Variants in SETD5 observed in about 807,000 individuals in gnomAD.
SETD5 encodes histone-lysine N-methyltransferase SETD5.
Under a neutral mutation model 153.3 loss-of-function variants are expected in SETD5, and 44 were observed. The ratio of observed to expected loss-of-function variants is 0.29; its 90% confidence interval spans 0.23 to 0.37. SETD5 has a LOEUF of 0.37. SETD5 is among the 10% of genes least tolerant of loss of function. SETD5 has a pLI of 1.00. For missense variants in SETD5, 1,544 were observed against 1,768.0 expected, an observed-to-expected ratio of 0.87 and a Z score of 2.27; for synonymous variants, 716 against 645.2, an observed-to-expected ratio of 1.11 and a Z score of -1.66.
At chr3:9,442,075 G>T (rs935621035) in intron 9 of SETD5, 53 bp from the exon 10 acceptor site, 1 of 1,191,578 alleles carries the variant, frequency 8.4e-7, no homozygotes, top group Non-Finnish European at 1.2e-6. Flanking sequence ...GGAGTCATGG[G>T]GTGGCCTTCT....
chr3:9,399,140 A>C (rs1394133921), intron 1 of SETD5, among the ~76,000 whole-genome samples: 2 of 152,236 alleles, frequency 1.3e-5, no homozygotes, highest in African/African-American at 4.8e-5. Context: ...ACAAGTTTTT[A>C]GATGACATAT....
intron 17 of SETD5, among the ~76,000 whole-genome samples, chr3:9,459,968 G>A (rs1005383810): frequency 1.3e-5 from 2 of 151,540 alleles, no homozygotes; most frequent in African/African-American, 2.4e-5. Flanking sequence ...CATCAAAATA[G>A]GCTATCAAAT....
At chr3:9,405,141 T>G (rs953376565) in intron 1 of SETD5, among the ~76,000 whole-genome samples, 1 of 152,240 alleles carries the variant, frequency 6.6e-6, no homozygotes, top group African/African-American at 2.4e-5. Context: ...TATCTTCTAC[T>G]TTCTTTCTTG....
At position 9,473,330 on chromosome 3, in the gene SETD5, C is replaced by T; in HGVS notation, c.3290C>T (p.Ala1097Val). The T allele has an allele frequency of 6.2e-7, 1 of 1,614,000 alleles. No individual in the cohort carries two copies. The highest frequency in any genetic ancestry group is 8.5e-7 in the Non-Finnish European group (1 of 1,179,894). ...TCTGCACAGAGCAAAAGCAAGTCTG[C>T]AGGAGCTGGGCAAGGCAGCAGTAAC... is the stretch of plus-strand genomic sequence containing the variant. The part of the protein sequence containing the change: ...GDSAQSKSKS[A>V]GAGQGSSNSV... The change falls in exon 20 of 23, where the codon GCA (alanine) becomes GTA (valine). Residue 1097 changes from alanine to valine, a missense_variant. Physicochemically the swap from Ala to Val is moderately conservative, Grantham distance 64. Transcript: ENST00000402198.
intron 1 of SETD5, among the ~76,000 whole-genome samples, chr3:9,414,649 CT>C (rs1231782619): frequency 6.6e-6 from 1 of 152,122 alleles, no homozygotes; most frequent in Admixed American, 6.5e-5. Flanking sequence ...AGAAGAATTA[CT>C]AGTTCTCCGT....
chr3:9,435,497 T>C (rs1276747861), intron 6 of SETD5, among the ~76,000 whole-genome samples: 3 of 152,224 alleles, frequency 2.0e-5, no homozygotes, highest in Admixed American at 6.5e-5. Flanking sequence ...AGGGACTGAA[T>C]ACAAGGGGAG....
intron 18 of SETD5, among the ~76,000 whole-genome samples, chr3:9,469,596 C>T (rs2045056986): frequency 6.6e-6 from 1 of 152,184 alleles, no homozygotes; most frequent in Non-Finnish European, 1.5e-5. Flanking sequence ...GTAAAGCTCT[C>T]TCTCCTCAGT....
At chr3:9,448,964 TG>T (rs918956579) in intron 16 of SETD5, among the ~76,000 whole-genome samples, 1 of 152,194 alleles carries the variant, frequency 6.6e-6, no homozygotes, top group Non-Finnish European at 1.5e-5. Context: ...TCTTGTGATA[TG>T]GGTTAACATG....
chr3:9,449,872 A>G (rs1254796716), intron 16 of SETD5, among the ~76,000 whole-genome samples: 3 of 152,146 alleles, frequency 2.0e-5, no homozygotes, highest in African/African-American at 7.2e-5. Context: ...GAGAAATTTG[A>G]CCATTTCTAA....
chr3:9,449,323 C>G (rs2042369392), intron 16 of SETD5, among the ~76,000 whole-genome samples: 1 of 152,068 alleles, frequency 6.6e-6, no homozygotes, highest in Non-Finnish European at 1.5e-5. Flanking sequence ...TTCCCAGAAG[C>G]CCTGCATATT....
chr3:9,461,598 A>G (rs2043961051), intron 17 of SETD5, among the ~76,000 whole-genome samples: 1 of 152,204 alleles, frequency 6.6e-6, no homozygotes, highest in African/African-American at 2.4e-5. Flanking sequence ...AAAGTAGGCA[A>G]ATGACTTGGC....
chr3:9,461,886 G>A (rs749751632), intron 17 of SETD5, among the ~76,000 whole-genome samples: 2 of 152,008 alleles, frequency 1.3e-5, no homozygotes, highest in African/African-American at 2.4e-5. Context: ...AAGTTATTCC[G>A]AATATAAGCC....
chr3:9,472,953 GA>G (rs2045480984), intron 19 of SETD5, among the ~76,000 whole-genome samples: 1 of 152,106 alleles, frequency 6.6e-6, no homozygotes, highest in Admixed American at 6.5e-5. Context: ...TCTGAAGGCA[GA>G]AAAAAAGATG....
intron 17 of SETD5, among the ~76,000 whole-genome samples, chr3:9,461,982 T>C (rs1420260024): frequency 1.3e-5 from 2 of 152,230 alleles, no homozygotes; most frequent in Non-Finnish European, 2.9e-5. Flanking sequence ...AAAAGGAAGA[T>C]GTGAATATAC....
chr3:9,447,624 G>A, intron 14 of SETD5, 62 bp from the exon 15 acceptor site: 4 of 1,527,764 alleles, frequency 2.6e-6, no homozygotes, highest in Non-Finnish European at 3.6e-6. Context: ...AAGTGAATAG[G>A]AAATTAGACT....
In SETD5 at chr3:9,434,102, T is replaced by A; in HGVS notation, c.177+152T>A. The A allele has an allele frequency of 1.9e-6, 3 of 1,560,078 alleles. No individual in the cohort carries two copies. ...ACTCCAGCGGACGTCTAGCCCTGCA[T>A]CATTGTTCTTGTTTTTATGTCCCAG... On this transcript the variant is annotated intron_variant, in intron 4 of 22. Transcript: ENST00000402198. The surrounding 1 kb of genome is among the most constrained non-coding windows in gnomAD (Gnocchi z 5.6).
chr3:9,460,263 T>TA (rs373419555), intron 17 of SETD5, among the ~76,000 whole-genome samples: 13,158 of 143,490 alleles, frequency 0.092, 734 homozygotes, highest in Middle Eastern at 0.15. Flanking sequence ...TTCATAGTAG[T>TA]AAAAAAAAAA....
intron 2 of SETD5, among the ~76,000 whole-genome samples, chr3:9,424,820 CAG>C (rs969770405): frequency 6.6e-6 from 1 of 152,102 alleles, no homozygotes; most frequent in Non-Finnish European, 1.5e-5. Flanking sequence ...CTACATTTTA[CAG>C]AGTTACTTAG....
intron 18 of SETD5, among the ~76,000 whole-genome samples, chr3:9,465,292 G>A (rs957357705): frequency 9.2e-5 from 14 of 152,216 alleles, no homozygotes; most frequent in African/African-American, 3.1e-4. Context: ...TACCTTCACT[G>A]TTGGATTAAG....
Sources: allele counts gnomAD v4.1 joint callset (sites outside exome capture counted in the v4.1 genomes callset), GRCh38; gene constraint gnomAD v4.1.1; non-coding constraint Gnocchi (gnomAD v3.1); transcripts MANE v1.5; gene names NCBI Gene and HGNC (gene_info 2026-07-23, HGNC 2026-07-21).